Variants in AHRR observed in about 807,000 individuals in gnomAD.
AHRR encodes ahR repressor.
Under a neutral mutation model 44.0 loss-of-function variants are expected in AHRR, and 28 were observed. The observed-to-expected ratio is 0.64, with a 90% confidence interval of 0.47 to 0.87. AHRR has a LOEUF of 0.87. Ranked by LOEUF, AHRR falls within the 40% of genes least tolerant of loss-of-function variation. The pLI is 0.00. For synonymous variants in AHRR, 434 were observed against 407.0 expected (o/e 1.07, Z -0.80); for missense variants, 990 against 953.9 (o/e 1.04, Z -0.50).
At position 406,553 on chromosome 5, in the gene AHRR, GA is replaced by G. The variant is rs1735268014; in HGVS notation, c.352-6787del. 6.6e-6 allele frequency among the ~76,000 whole-genome samples: 1 copy of G among 152,228 alleles called. No homozygotes were observed. The highest frequency in any genetic ancestry group is 6.5e-5 in the Admixed American group (1 of 15,282). The stretch of plus-strand genomic sequence containing the variant: ...AATTTCAGGAAAACGTTAAGAAACA[GA>G]AAATACTCAAGCTGGTTAGGCTATT... On this transcript the variant is annotated intron_variant, in intron 4 of 10. Coordinates refer to ENST00000684583, the MANE Select transcript of AHRR (RefSeq NM_001377236.1). The surrounding 1 kb of genome is among the most constrained non-coding windows in gnomAD (Gnocchi z 4.7).
intron 4 of AHRR, among the ~76,000 whole-genome samples, chr5:385,329 C>A (rs1734137089): frequency 6.6e-6 from 1 of 152,088 alleles, no homozygotes; most frequent in Non-Finnish European, 1.5e-5. Context: ...TGCACACCAC[C>A]ATGCTCAGCT....
intron 3 of AHRR, 59 bp from the exon 4 acceptor site, chr5:376,551 A>AACG: frequency 1.4e-6 from 2 of 1,401,298 alleles, no homozygotes; most frequent in Non-Finnish European, 1.9e-6. Flanking sequence ...GATGTGAATG[A>AACG]AGAAGAGTGG....
chr5:431,696 A>G (rs1390376066), intron 8 of AHRR, among the ~76,000 whole-genome samples: 1 of 151,810 alleles, frequency 6.6e-6, no homozygotes, highest in Non-Finnish European at 1.5e-5. Flanking sequence ...TTGTGACATG[A>G]TCTTGATCTG....
intron 3 of AHRR, among the ~76,000 whole-genome samples, chr5:356,235 T>C (rs556968639): frequency 3.0e-4 from 45 of 152,350 alleles, no homozygotes; most frequent in Non-Finnish European, 5.6e-4. Context: ...GACAGTCTGC[T>C]GCTGCCTTGA....
At position 326,282 on chromosome 5, in the gene AHRR, C is replaced by T. The variant is rs899812141; in HGVS notation, c.-11+4463C>T. 1.3e-5 allele frequency among the ~76,000 whole-genome samples: 2 copies of T among 152,252 alleles called. No individual in the cohort carries two copies. The highest frequency in any genetic ancestry group is 4.8e-5 in the African/African-American group (2 of 41,466). ...AGTCCCTGCTCCCAGGTCCTGGCCACCACGAACCTTTTTATCTGAGTTTGC... is the reference window on the plus strand; with the variant it reads ...AGTCCCTGCTCCCAGGTCCTGGCCATCACGAACCTTTTTATCTGAGTTTGC... On this transcript the variant is annotated intron_variant, in intron 1 of 10. Coordinates refer to ENST00000684583, the MANE Select transcript of AHRR (RefSeq NM_001377236.1). This position sits in a 1 kb window ranked among gnomAD's most constrained non-coding sequence, Gnocchi z 4.1.
At chr5:343,726 G>A in intron 1 of AHRR, 167 bp from the exon 2 acceptor site, 1 of 628,130 alleles carries the variant, frequency 1.6e-6, no homozygotes, top group Non-Finnish European at 2.6e-6. Context: ...GTGCTGGAGA[G>A]CAGGGGTCCC....
At chr5:428,470 C>G (rs1181529096) in intron 8 of AHRR, among the ~76,000 whole-genome samples, 2 of 152,194 alleles carry the variant, frequency 1.3e-5, no homozygotes, top group Non-Finnish European at 2.9e-5. Flanking sequence ...CCAGCTGGTC[C>G]TCGTCCCTGG....
At chr5:421,158 G>GAGGCCGCTCTGGCGCCCGGC (rs1391000681) in intron 5 of AHRR, 2 of 577,736 alleles carry the variant, frequency 3.5e-6, no homozygotes, top group East Asian at 6.4e-5. Flanking sequence ...CCCCGCCTGG[G>GAGGCCGCTCTGGCGCCCGGC]AGGCCGCTCT....
intron 4 of AHRR, among the ~76,000 whole-genome samples, chr5:409,499 G>A (rs577567666): frequency 2.0e-5 from 3 of 152,286 alleles, no homozygotes; most frequent in Admixed American, 6.5e-5. Flanking sequence ...TTCTGACAGC[G>A]GCCACCCTGG....
Position 405,164 on chromosome 5 carries a change from C to T in AHRR, c.352-8180C>T, listed in dbSNP as rs914414578. On this transcript the variant is annotated intron_variant, in intron 4 of 10. Coordinates refer to ENST00000684583, the MANE Select transcript of AHRR (RefSeq NM_001377236.1). This position sits in a 1 kb window ranked among gnomAD's most constrained non-coding sequence, Gnocchi z 4.5. ...GGCAAACCGAGAGCTTGTGAACAGCCCCGATGGGTCCAGGCAGATTCACCA... is the reference window on the plus strand; with the variant it reads ...GGCAAACCGAGAGCTTGTGAACAGCTCCGATGGGTCCAGGCAGATTCACCA... Among the ~76,000 whole-genome samples, 2 of 152,042 alleles carry T rather than the reference C, an allele frequency of 1.3e-5. No homozygotes were observed. The highest frequency in any genetic ancestry group is 2.9e-5 in the Non-Finnish European group (2 of 68,002).
intron 2 of AHRR, among the ~76,000 whole-genome samples, chr5:347,651 A>T (rs1408003352): frequency 6.6e-6 from 1 of 152,222 alleles, no homozygotes; most frequent in Non-Finnish European, 1.5e-5. Flanking sequence ...GCACACATAC[A>T]GTAGGCAAGG....
intron 2 of AHRR, 21 bp downstream of exon 2, chr5:343,985 C>G: frequency 1.3e-6 from 2 of 1,591,494 alleles, no homozygotes; most frequent in Non-Finnish European, 1.7e-6. Flanking sequence ...CCGCCTTCTG[C>G]TTGTGTGGGT....
chr5:390,755 AAGG>A (rs1255823007), intron 4 of AHRR, among the ~76,000 whole-genome samples: 2 of 152,132 alleles, frequency 1.3e-5, no homozygotes, highest in East Asian at 1.9e-4. Context: ...CCTCGTGGAC[AAGG>A]AGAAGATCCT....
chr5:350,503 G>A (rs959774827), intron 2 of AHRR, among the ~76,000 whole-genome samples: 3 of 152,108 alleles, frequency 2.0e-5, no homozygotes, highest in African/African-American at 4.8e-5. Context: ...CCTGTCCGTG[G>A]CCTGTGTCCT....
intron 3 of AHRR, among the ~76,000 whole-genome samples, chr5:365,400 G>C (rs570171160): frequency 3.3e-5 from 5 of 152,102 alleles, no homozygotes; most frequent in African/African-American, 1.2e-4. Context: ...TGTATATAAC[G>C]CATAGGTCAA....
rs75876293 is a variant in AHRR, at chr5:335,291, A to G, written c.-10-8602A>G. On this transcript the variant is annotated intron_variant, in intron 1 of 10. Coordinates refer to ENST00000684583, the MANE Select transcript of AHRR (RefSeq NM_001377236.1). ...CAATGGTGGTGGCAGTGGTGGTGAG[A>G]TGCACTTTTGGGTCCCAAGCTCTGT... 2.3e-3 allele frequency among the ~76,000 whole-genome samples: 343 copies of G among 152,148 alleles called. 2 individuals carry two copies. The highest frequency in any genetic ancestry group is 7.9e-3 in the African/African-American group (328 of 41,476).
chr5:432,357 G>T, intron 8 of AHRR, 106 bp from the exon 9 acceptor site: 1 of 1,097,560 alleles, frequency 9.1e-7, no homozygotes, highest in East Asian at 2.4e-5. Context: ...GCTCAGGTGT[G>T]ACAGCAATAC....
In AHRR at chr5:388,268, C is replaced by A. The variant is rs570281555; in HGVS notation, c.351+11552C>A. ...GTTGGGGCAGAAACTCAGGCCTCCC[C>A]CCGTCCCGAACCCAAGCCCTGAACT... On this transcript the variant is annotated intron_variant, in intron 4 of 10. Coordinates refer to ENST00000684583, the MANE Select transcript of AHRR (RefSeq NM_001377236.1). This position sits in a 1 kb window ranked among gnomAD's most constrained non-coding sequence, Gnocchi z 5.2. Among the ~76,000 whole-genome samples, 1 of 152,200 alleles carries A rather than the reference C, an allele frequency of 6.6e-6. No homozygotes were observed. Among genetic ancestry groups the A allele is most frequent in the African/African-American group, 2.4e-5 (1 of 41,452 alleles).
chr5:373,818 C>T (rs566434575), intron 3 of AHRR, among the ~76,000 whole-genome samples: 71 of 151,118 alleles, frequency 4.7e-4, no homozygotes, highest in African/African-American at 1.6e-3. Context: ...GCTCCCCGCG[C>T]TCCTGGGGCT....
Sources: allele counts gnomAD v4.1 joint callset (sites outside exome capture counted in the v4.1 genomes callset), GRCh38; gene constraint gnomAD v4.1.1; non-coding constraint Gnocchi (gnomAD v3.1); transcripts MANE v1.5; gene names NCBI Gene and HGNC (gene_info 2026-07-23, HGNC 2026-07-21).